Variants in CNTNAP5 observed in about 807,000 individuals in gnomAD.
The protein encoded by CNTNAP5 is contactin-associated protein-like 5.
A neutral mutation model predicts 150.2 loss-of-function variants in CNTNAP5; 72 were observed. The ratio of observed to expected loss-of-function variants is 0.48; its 90% CI spans 0.40 to 0.58. The LOEUF (loss-of-function observed/expected upper bound fraction) is 0.58. Ranked by LOEUF, CNTNAP5 falls within the 20% of genes least tolerant of loss-of-function variation. The pLI is 0.00. For synonymous variants in CNTNAP5, 672 were observed against 619.8 expected, an observed-to-expected ratio of 1.08 and a Z score of -1.25; for missense variants, 1,636 against 1,626.2, an observed-to-expected ratio of 1.01 and a Z score of -0.10.
At chr2:124,518,295 T>C (rs1694776763) in intron 8 of CNTNAP5, among the ~76,000 whole-genome samples, 1 of 152,220 alleles carries the variant, frequency 6.6e-6, no homozygotes, top group Admixed American at 6.5e-5. Context: ...TTTTTTGTTT[T>C]ATCTAGAAAG....
At chr2:124,392,932 CTGATG>C (rs1324732540) in intron 3 of CNTNAP5, among the ~76,000 whole-genome samples, 2 of 152,162 alleles carry the variant, frequency 1.3e-5, no homozygotes, top group African/African-American at 4.8e-5. Flanking sequence ...ACAATGAAGT[CTGATG>C]TGGACCAATC....
intron 3 of CNTNAP5, among the ~76,000 whole-genome samples, chr2:124,271,375 G>A (rs554620836): frequency 1.3e-5 from 2 of 152,262 alleles, no homozygotes; most frequent in South Asian, 4.1e-4. Flanking sequence ...TCTGGGCCAG[G>A]AGACTGCAAC....
intron 10 of CNTNAP5, among the ~76,000 whole-genome samples, chr2:124,529,749 A>G (rs138928733): frequency 0.014 from 2,120 of 152,206 alleles, 23 homozygotes; most frequent in Non-Finnish European, 0.022. Context: ...GGTTTTCCTT[A>G]CCTGGACTGC....
At chr2:124,330,130 A>G (rs1689313900) in intron 3 of CNTNAP5, among the ~76,000 whole-genome samples, 1 of 152,134 alleles carries the variant, frequency 6.6e-6, no homozygotes, top group Non-Finnish European at 1.5e-5. Context: ...TTATAAGACT[A>G]GAAACTCTGT....
chr2:124,544,988 G>T (rs2104910380), intron 10 of CNTNAP5, among the ~76,000 whole-genome samples: 1 of 152,182 alleles, frequency 6.6e-6, no homozygotes, highest in African/African-American at 2.4e-5. Context: ...TCCTTGCAAA[G>T]AAGTGATTTA....
At chr2:124,599,509 T>A (rs1457741338) in intron 11 of CNTNAP5, among the ~76,000 whole-genome samples, 1 of 152,204 alleles carries the variant, frequency 6.6e-6, no homozygotes, top group African/African-American at 2.4e-5. Flanking sequence ...TGAGTGATTC[T>A]ATAATTTTGG....
At chr2:124,611,229 G>A (rs550085948) in intron 12 of CNTNAP5, among the ~76,000 whole-genome samples, 5 of 152,274 alleles carry the variant, frequency 3.3e-5, no homozygotes, top group East Asian at 1.9e-4. Flanking sequence ...AAGACACAGT[G>A]GCTGTTGTTC....
At chr2:124,860,349 CA>C (rs545016778) in intron 19 of CNTNAP5, among the ~76,000 whole-genome samples, 107 of 141,732 alleles carry the variant, frequency 7.5e-4, no homozygotes, top group South Asian at 1.6e-3. Context: ...GATTCTGTCT[CA>C]AAAAAAAAAA....
At chr2:124,455,695 CAT>C (rs78154421) in intron 6 of CNTNAP5, among the ~76,000 whole-genome samples, 15,494 of 152,148 alleles carry the variant, frequency 0.1, 1,058 homozygotes, top group East Asian at 0.29. Flanking sequence ...AATCCAACAA[CAT>C]ATCAAAACAA....
intron 10 of CNTNAP5, among the ~76,000 whole-genome samples, chr2:124,562,183 C>T (rs913170181): frequency 1.8e-4 from 27 of 152,304 alleles, no homozygotes; most frequent in African/African-American, 6.5e-4. Flanking sequence ...CCTCCACTCC[C>T]ATTAGCCCAA....
intron 1 of CNTNAP5, among the ~76,000 whole-genome samples, chr2:124,186,496 T>C (rs891420722): frequency 6.6e-6 from 1 of 152,216 alleles, no homozygotes; most frequent in Non-Finnish European, 1.5e-5. Flanking sequence ...TATTTCTAGG[T>C]GATACTTGTG....
intron 11 of CNTNAP5, among the ~76,000 whole-genome samples, chr2:124,568,443 A>C (rs1023737644): frequency 3.3e-5 from 5 of 152,236 alleles, no homozygotes; most frequent in African/African-American, 1.2e-4. Flanking sequence ...CATGAATTGC[A>C]CTAGTCATTC....
intron 11 of CNTNAP5, among the ~76,000 whole-genome samples, chr2:124,598,567 T>G (rs1169898114): frequency 5.3e-5 from 8 of 150,750 alleles, no homozygotes; most frequent in East Asian, 2.0e-4. Flanking sequence ...CAGGGACATT[T>G]AAGTCTGCAG....
At chr2:124,108,599 C>T (rs2104703457) in intron 1 of CNTNAP5, among the ~76,000 whole-genome samples, 1 of 152,272 alleles carries the variant, frequency 6.6e-6, no homozygotes, top group South Asian at 2.1e-4. Context: ...TGCCTACGTT[C>T]CTCTCTCATG....
At chr2:124,712,703 G>C (rs981701814) in intron 13 of CNTNAP5, among the ~76,000 whole-genome samples, 15 of 152,146 alleles carry the variant, frequency 9.9e-5, no homozygotes, top group Admixed American at 9.8e-4. Flanking sequence ...GTGCCTTCTT[G>C]CTGTGTCCTC....
chr2:124,710,251 T>C (rs1679778955), intron 13 of CNTNAP5, among the ~76,000 whole-genome samples: 1 of 152,174 alleles, frequency 6.6e-6, no homozygotes, highest in Admixed American at 6.5e-5. Context: ...AATAAATCTC[T>C]TGATTTTTAA....
At chr2:124,102,433 C>T (rs1477994963) in intron 1 of CNTNAP5, among the ~76,000 whole-genome samples, 1 of 152,194 alleles carries the variant, frequency 6.6e-6, no homozygotes. Flanking sequence ...AGTTCAGCGA[C>T]CAGGCTCTTC....
intron 1 of CNTNAP5, among the ~76,000 whole-genome samples, chr2:124,061,217 T>G (rs1682001780): frequency 6.6e-6 from 1 of 152,210 alleles, no homozygotes; most frequent in Admixed American, 6.5e-5. Flanking sequence ...CACCTTTCAG[T>G]GTGGAAGAGG....
rs190218849 is a variant in CNTNAP5, at chr2:124,259,202, G to A, written c.381+16809G>A. Among the ~76,000 whole-genome samples the A allele has an allele frequency of 3.4e-3, 524 of 152,036 alleles. 2 individuals carry two copies. The highest frequency in any genetic ancestry group is 0.011 in the African/African-American group (446 of 41,458). On this transcript the variant is annotated intron_variant, in intron 3 of 23. Coordinates refer to ENST00000682447, the MANE Select transcript of CNTNAP5 (RefSeq NM_001367498.1). ...GGACATGAACTCATCCTTTTTTACCGCTGCATAGTATTCCATGGTGTATAT... is the reference window on the plus strand; with the variant it reads ...GGACATGAACTCATCCTTTTTTACCACTGCATAGTATTCCATGGTGTATAT...
Sources: gnomAD v4.1 joint callset for allele counts (sites outside exome capture counted in the v4.1 genomes callset) on GRCh38, gnomAD v4.1.1 for gene constraint, MANE v1.5 for transcripts, NCBI Gene and HGNC (gene_info 2026-07-23, HGNC 2026-07-21) for gene names.